The following NKAIN2 variants were observed in gnomAD, a reference collection of about 807,000 sequenced individuals.
The protein encoded by NKAIN2 is sodium/potassium transporting ATPase interacting 2.
A neutral mutation model predicts 32.6 loss-of-function variants in NKAIN2; 14 were observed. The observed-to-expected ratio is 0.43, with a 90% confidence interval of 0.28 to 0.67. The LOEUF (loss-of-function observed/expected upper bound fraction) is 0.67, where lower values mean the gene tolerates loss of function less well. NKAIN2 is among the 30% of genes least tolerant of loss of function. The probability of loss-of-function intolerance (pLI) is 0.17; values close to 1 mark genes in which losing one functional copy is unlikely to be tolerated. For missense variants in NKAIN2, 198 were observed against 258.3 expected (o/e 0.77, Z 1.60); for synonymous variants, 80 against 87.2 (o/e 0.92, Z 0.46).
rs373474218 is a variant in NKAIN2 at position 124,232,574 on chromosome 6, T to C, written c.55-50431T>C. ...CAGAGGCACAATGCAAAAGAAACTA[T>C]GTGACACCCAAGACAAGAAACAAAT... On this transcript the variant is annotated intron_variant, in intron 1 of 6. Transcript: ENST00000368417. Among the ~76,000 whole-genome samples the C allele has an allele frequency of 1.6e-4, 25 of 152,300 alleles. 1 individual carries two copies. Among genetic ancestry groups the C allele is most frequent in the African/African-American group, 5.8e-4 (24 of 41,584 alleles).
intron 1 of NKAIN2, among the ~76,000 whole-genome samples, chr6:124,012,146 C>T (rs1198269664): frequency 6.6e-6 from 1 of 151,876 alleles, no homozygotes; most frequent in Non-Finnish European, 1.5e-5. Context: ...TTACCATAAT[C>T]AAGATAAAAA....
rs139951868 is a variant in NKAIN2, at chr6:124,054,090, A to T, written c.55-228915A>T. ...TCATCTTCACAACAGTACTTCAAAG[A>T]AAAGTCATAGTGAGAGTCATTGGAA... On this transcript the variant is annotated intron_variant, in intron 1 of 6. Transcript: ENST00000368417. Among the ~76,000 whole-genome samples the T allele has an allele frequency of 3.9e-4, 60 of 152,228 alleles. No homozygotes were observed. The East Asian group carries it at 0.011, about 27-fold the overall frequency.
intron 4 of NKAIN2, among the ~76,000 whole-genome samples, chr6:124,713,620 G>A (rs1185120232): frequency 6.6e-6 from 1 of 152,200 alleles, no homozygotes; most frequent in Non-Finnish European, 1.5e-5. Context: ...ATGGGAGAAA[G>A]GTTTTAGAGC....
At chr6:124,725,379 T>C (rs1367195732) in intron 4 of NKAIN2, among the ~76,000 whole-genome samples, 1 of 152,134 alleles carries the variant, frequency 6.6e-6, no homozygotes, top group Non-Finnish European at 1.5e-5. Flanking sequence ...ACTGAGATTA[T>C]AGATGTGAGC....
At chr6:124,531,250 T>G (rs1423253264) in intron 3 of NKAIN2, among the ~76,000 whole-genome samples, 4 of 152,228 alleles carry the variant, frequency 2.6e-5, no homozygotes, top group South Asian at 2.1e-4. Context: ...TATTTTGTTA[T>G]GAAAGCCTGA....
intron 3 of NKAIN2, among the ~76,000 whole-genome samples, chr6:124,364,346 G>A (rs1306985875): frequency 6.6e-6 from 1 of 151,632 alleles, no homozygotes; most frequent in South Asian, 2.1e-4. Context: ...TTGGATAGAA[G>A]CAATATCTGA....
intron 3 of NKAIN2, among the ~76,000 whole-genome samples, chr6:124,621,058 A>G (rs1266812629): frequency 6.6e-6 from 1 of 152,052 alleles, no homozygotes; most frequent in Non-Finnish European, 1.5e-5. Flanking sequence ...CATTGGAATC[A>G]CCTGGGGACC....
intron 1 of NKAIN2, among the ~76,000 whole-genome samples, chr6:123,938,428 AT>A (rs1776639315): frequency 2.2e-5 from 1 of 44,852 alleles, no homozygotes; most frequent in Non-Finnish European, 3.7e-5. Context: ...ATATATATAT[AT>A]ATATATATAT....
intron 2 of NKAIN2, among the ~76,000 whole-genome samples, chr6:124,295,728 C>T (rs78240923): frequency 0.013 from 1,981 of 152,146 alleles, 45 homozygotes; most frequent in East Asian, 0.1. Flanking sequence ...TTTCAGATAT[C>T]GGATATCAAA....
At chr6:124,041,157 A>G (rs1582517589) in intron 1 of NKAIN2, among the ~76,000 whole-genome samples, 1 of 152,008 alleles carries the variant, frequency 6.6e-6, no homozygotes, top group Admixed American at 6.6e-5. Flanking sequence ...CCTCTACTTT[A>G]TGGTTATTGC....
At chr6:123,944,506 C>T (rs995452593) in intron 1 of NKAIN2, among the ~76,000 whole-genome samples, 2 of 152,022 alleles carry the variant, frequency 1.3e-5, no homozygotes, top group Non-Finnish European at 2.9e-5. Flanking sequence ...GAATCATGTG[C>T]TCGTGTTTGG....
intron 1 of NKAIN2, among the ~76,000 whole-genome samples, chr6:123,916,829 T>TATTTATCTATC (rs1562256370): frequency 1.1e-4 from 16 of 150,798 alleles, no homozygotes; most frequent in Non-Finnish European, 1.6e-4. Context: ...ATCTATCTAT[T>TATTTATCTATC]TATCTATCTA....
At chr6:123,941,732 G>T (rs1002800966) in intron 1 of NKAIN2, among the ~76,000 whole-genome samples, 4 of 151,964 alleles carry the variant, frequency 2.6e-5, no homozygotes, top group African/African-American at 9.7e-5. Flanking sequence ...CTGTTGCTCT[G>T]CTTCGGGGTT....
intron 2 of NKAIN2, among the ~76,000 whole-genome samples, chr6:124,299,482 G>C (rs1796208186): frequency 6.6e-6 from 1 of 152,006 alleles, no homozygotes; most frequent in African/African-American, 2.4e-5. Context: ...TTTTTAAAGA[G>C]TGGTATTACC....
At chr6:124,761,846 T>C (rs1343383882) in intron 4 of NKAIN2, among the ~76,000 whole-genome samples, 1 of 152,174 alleles carries the variant, frequency 6.6e-6, no homozygotes, top group Non-Finnish European at 1.5e-5. Context: ...ATCCTTTTGC[T>C]ATCACATTAT....
chr6:124,581,990 T>C (rs999597776), intron 3 of NKAIN2, among the ~76,000 whole-genome samples: 3 of 151,284 alleles, frequency 2.0e-5, no homozygotes, highest in Non-Finnish European at 2.9e-5. Context: ...AAACCCAAAA[T>C]TGGTAACAGA....
intron 1 of NKAIN2, among the ~76,000 whole-genome samples, chr6:124,241,571 G>T (rs1349091256): frequency 1.3e-5 from 2 of 151,998 alleles, no homozygotes; most frequent in African/African-American, 4.8e-5. Flanking sequence ...CAGAACAGAG[G>T]CCTCAGAAAT....
At chr6:124,197,988 C>G (rs571600571) in intron 1 of NKAIN2, among the ~76,000 whole-genome samples, 6 of 152,104 alleles carry the variant, frequency 3.9e-5, no homozygotes, top group African/African-American at 1.4e-4. Flanking sequence ...TCGAAATCTG[C>G]CAGGTTACTA....
At chr6:124,534,680 C>G (rs1016039369) in intron 3 of NKAIN2, among the ~76,000 whole-genome samples, 3 of 152,168 alleles carry the variant, frequency 2.0e-5, no homozygotes, top group African/African-American at 7.2e-5. Context: ...TACTTCTGCC[C>G]AGAGTCTTCT....
Sources: allele counts gnomAD v4.1 joint callset (sites outside exome capture counted in the v4.1 genomes callset), GRCh38; gene constraint gnomAD v4.1.1; transcripts MANE v1.5; gene names NCBI Gene and HGNC (gene_info 2026-07-23, HGNC 2026-07-21).